Variants in SHE observed in about 807,000 individuals in gnomAD.
The protein encoded by SHE is SH2 domain-containing adapter protein E.
Under a neutral mutation model 49.8 loss-of-function variants are expected in SHE, and 11 were observed. The observed-to-expected ratio is 0.22, with a 90% confidence interval of 0.14 to 0.37. The LOEUF is 0.37. Among genes scored for constraint, SHE ranks in the 10% least tolerant of loss-of-function variants. The pLI is 1.00. For synonymous variants in SHE, 310 were observed against 278.1 expected (o/e 1.11, Z -1.14); for missense variants, 624 against 655.5 (o/e 0.95, Z 0.52).
downstream of SHE, among the ~76,000 whole-genome samples, chr1:154,479,072 A>T (rs79295451): frequency 0.028 from 4,273 of 152,116 alleles, 189 homozygotes; most frequent in African/African-American, 0.096. Context: ...ATTTTTTTTT[A>T]AAATAGGTTT....
chr1:154,491,596 T>C (rs1343811733), intron 2 of SHE, among the ~76,000 whole-genome samples: 1 of 152,250 alleles, frequency 6.6e-6, no homozygotes, highest in Non-Finnish European at 1.5e-5. Flanking sequence ...GATGTGTCTG[T>C]ATTTTCAATT....
chr1:154,498,732 T>C (rs1191660439), intron 2 of SHE, among the ~76,000 whole-genome samples: 1 of 152,132 alleles, frequency 6.6e-6, no homozygotes, highest in Non-Finnish European at 1.5e-5. Context: ...ATCCCTTAAG[T>C]ATGTATTTGC....
At position 154,481,199 on chromosome 1, in the gene SHE, G is replaced by T. The variant is rs948722966; in HGVS notation, c.*2950C>A. 11 of 985,274 alleles carry T rather than the reference G, an allele frequency of 1.1e-5. No individual in the cohort carries two copies. The highest frequency in any genetic ancestry group is 2.4e-6 in the Non-Finnish European group (2 of 829,914). 61.0% of individuals were successfully genotyped at this position (985,274 alleles called of 1,614,324 possible). On this transcript the variant is annotated 3_prime_UTR_variant, in exon 6 of 6. Coordinates refer to ENST00000304760, the MANE Select transcript of SHE (RefSeq NM_001010846.3). ...ACCCTGCTGGGCCTAATTGTTTTTA[G>T]AACATATGGAACTTTGTGCCACCAC...
At position 154,480,787 on chromosome 1, in the gene SHE, G is replaced by C; in HGVS notation, c.*3362C>G. 1 of 985,304 alleles carries C rather than the reference G, an allele frequency of 1.0e-6. No homozygotes were observed. Among genetic ancestry groups the C allele is most frequent in the Non-Finnish European group, 1.2e-6 (1 of 829,916 alleles). 61.0% of individuals were successfully genotyped at this position (985,304 alleles called of 1,614,324 possible). A position where few individuals can be genotyped will look rare whatever the true frequency, so the allele number is the denominator to read the frequency against. On this transcript the variant is annotated 3_prime_UTR_variant, in exon 6 of 6. Coordinates refer to ENST00000304760, the MANE Select transcript of SHE (RefSeq NM_001010846.3). ...TATTCCTAGCTTAAATACACACAAG[G>C]CCAGTGGTTTGCAGGCCATCCTGAG...
downstream of SHE, among the ~76,000 whole-genome samples, chr1:154,478,209 T>A (rs563024743): frequency 2.0e-5 from 3 of 152,122 alleles, no homozygotes; most frequent in African/African-American, 7.2e-5. Flanking sequence ...AAGTTCCTGG[T>A]CTACAAGGTC....
chr1:154,480,161 C>T lies in SHE; in HGVS notation c.*3988G>A, dbSNP rs1237220854. The T allele has an allele frequency of 5.1e-6, 5 of 985,268 alleles. No homozygotes were observed. 61.0% of individuals were successfully genotyped at this position (985,268 alleles called of 1,614,324 possible). A position where few individuals can be genotyped will look rare whatever the true frequency, so the allele number is the denominator to read the frequency against. Reference sequence around the variant, plus strand: ...TGAGAATACAGAAGAGTGATTCTAACCAGGTCATAAGGCCAAACTAGTGCT... The same window carrying T: ...TGAGAATACAGAAGAGTGATTCTAATCAGGTCATAAGGCCAAACTAGTGCT... On this transcript the variant is annotated 3_prime_UTR_variant, in exon 6 of 6. Transcript: ENST00000304760.
downstream of SHE, among the ~76,000 whole-genome samples, chr1:154,475,582 T>C (rs535238325): frequency 6.6e-5 from 10 of 152,358 alleles, no homozygotes; most frequent in East Asian, 1.9e-3. Context: ...TAAATGAGCA[T>C]TGCTTTTAGA....
chr1:154,484,007 A>G lies in SHE; in HGVS notation c.*142T>C. 1 of 1,435,690 alleles carries G rather than the reference A, an allele frequency of 7.0e-7. No individual in the cohort carries two copies. 88.9% of individuals were successfully genotyped at this position (1,435,690 alleles called of 1,614,324 possible). A position where few individuals can be genotyped will look rare whatever the true frequency, so the allele number is the denominator to read the frequency against. On this transcript the variant is annotated 3_prime_UTR_variant, in exon 6 of 6. Transcript: ENST00000304760. ...AGCGAGACTTCGTCTCAAACAAAAC[A>G]AAACAAATCACTCTCTGACTTTTCA...
In SHE at chr1:154,502,190, A is replaced by T; in HGVS notation, c.-164T>A. ...GCTCCGGACACGGCAGGCGACAGGC[A>T]CGACGCGCGGGGGGCCCCGCCCGGG... On this transcript the variant is annotated 5_prime_UTR_variant, in exon 1 of 6. Coordinates refer to ENST00000304760, the MANE Select transcript of SHE (RefSeq NM_001010846.3). 4.8e-6 allele frequency: 2 copies of T among 419,412 alleles called. No homozygotes were observed. Among genetic ancestry groups the T allele is most frequent in the Non-Finnish European group, 7.2e-6 (2 of 278,468 alleles). 26.0% of individuals were successfully genotyped at this position (419,412 alleles called of 1,614,324 possible).
intron 1 of SHE, among the ~76,000 whole-genome samples, chr1:154,471,216 A>T (rs953235703): frequency 5.9e-5 from 9 of 151,932 alleles, no homozygotes; most frequent in African/African-American, 2.2e-4. Flanking sequence ...CTGCAGGTGT[A>T]TGTCACTTAA....
Position 154,483,367 on chromosome 1 carries a change from CGTCAT to C in SHE, c.*777_*781del. 1 of 985,364 alleles carries C rather than the reference CGTCAT, an allele frequency of 1.0e-6. No homozygotes were observed. Among genetic ancestry groups the C allele is most frequent in the South Asian group, 4.7e-5 (1 of 21,278 alleles). The allele number at this position is 985,364 out of a possible 1,614,324, so 61.0% of individuals were successfully genotyped here. ...GAGGGAGAAAGACCACCTTCTTGCC[CGTCAT>C]TCACATTTTCTCCCGCTCATTCATT... On this transcript the variant is annotated 3_prime_UTR_variant, in exon 6 of 6. Coordinates refer to ENST00000304760, the MANE Select transcript of SHE (RefSeq NM_001010846.3).
chr1:154,485,875 T>C, intron 5 of SHE, 68 bp downstream of exon 5: 1 of 1,573,184 alleles, frequency 6.4e-7, no homozygotes, highest in Non-Finnish European at 8.7e-7. Context: ...TATGTTTTTT[T>C]TGACTAGAAG....
At chr1:154,499,063 C>A in intron 2 of SHE, 49 bp downstream of exon 2, 3 of 1,603,388 alleles carry the variant, frequency 1.9e-6, no homozygotes, top group East Asian at 4.5e-5. Flanking sequence ...TTACAACACT[C>A]ACTGAGTGTG....
intron 2 of SHE, among the ~76,000 whole-genome samples, chr1:154,496,410 A>ATT (rs1472331665): frequency 2.0e-5 from 3 of 152,274 alleles, no homozygotes; most frequent in Non-Finnish European, 2.9e-5. Flanking sequence ...ACACACTCAA[A>ATT]TATTAAATGC....
chr1:154,501,126 A>G (rs1300612450), intron 1 of SHE, among the ~76,000 whole-genome samples: 2 of 152,214 alleles, frequency 1.3e-5, no homozygotes, highest in African/African-American at 4.8e-5. Flanking sequence ...ATTAAAATGA[A>G]CCACATCTAT....
At chr1:154,470,398 G>T in intron 1 of SHE, 1 of 1,289,022 alleles carries the variant, frequency 7.8e-7, no homozygotes. Flanking sequence ...AGTTACTGGA[G>T]CAGCCTTCTA....
At chr1:154,496,965 T>G (rs1318759252) in intron 2 of SHE, among the ~76,000 whole-genome samples, 1 of 152,112 alleles carries the variant, frequency 6.6e-6, no homozygotes, top group Non-Finnish European at 1.5e-5. Flanking sequence ...ATCCTTTTCC[T>G]CAATTTTATG....
At chr1:154,495,047 G>A (rs1051753305) in intron 2 of SHE, among the ~76,000 whole-genome samples, 2 of 152,192 alleles carry the variant, frequency 1.3e-5, no homozygotes, top group African/African-American at 2.4e-5. Context: ...GCGAGACTCC[G>A]TCTCAAAAAA....
chr1:154,475,761 A>G (rs2149287110), downstream of SHE, among the ~76,000 whole-genome samples: 1 of 152,252 alleles, frequency 6.6e-6, no homozygotes, highest in African/African-American at 2.4e-5. Context: ...GGGTGATGGG[A>G]CAGGGTGGTT....
Sources: allele counts gnomAD v4.1 joint callset (sites outside exome capture counted in the v4.1 genomes callset), GRCh38; gene constraint gnomAD v4.1.1; transcripts MANE v1.5; gene names NCBI Gene and HGNC (gene_info 2026-07-23, HGNC 2026-07-21).